Variants in NPHP4 observed in about 807,000 individuals in gnomAD.
NPHP4 encodes the protein nephrocystin 4.
Under a neutral mutation model 155.8 loss-of-function variants are expected in NPHP4, and 151 were observed. The observed-to-expected ratio is 0.97, with a 90% CI of 0.85 to 1.11. NPHP4 has a LOEUF of 1.11. Ranked by LOEUF, NPHP4 falls within the 50% of genes least tolerant of loss-of-function variation. The probability of loss-of-function intolerance (pLI) is 0.00; values close to 1 mark genes in which losing one functional copy is unlikely to be tolerated. For missense variants in NPHP4, 1,956 were observed against 1,925.7 expected (o/e 1.02, Z -0.29); for synonymous variants, 845 against 816.8 (o/e 1.03, Z -0.59).
At position 5,905,425 on chromosome 1, in the gene NPHP4, C is replaced by T. The variant is rs780231735; in HGVS notation, c.1822G>A (p.Glu608Lys). The change falls in exon 15 of 30, where the codon GAG (glutamate) becomes AAG (lysine). Residue 608 changes from glutamate to lysine, a missense_variant. Physicochemically the swap from Glu to Lys is moderately conservative, Grantham distance 56. Transcript: ENST00000378156. The surrounding 1 kb of genome is among the most constrained non-coding windows in gnomAD (Gnocchi z 4.0). ...MVLLQSSGFP[E>K]ILDANKQPAE... ...GGCTGTTTATTGGCATCCAGAATCT[C>T]GGGAAAGCCGGAGGACTGCAGGAGC... is the stretch of plus-strand genomic sequence containing the variant. 57 of 1,612,204 alleles carry T rather than the reference C, an allele frequency of 3.5e-5. No homozygotes were observed. The highest frequency in any genetic ancestry group is 1.6e-4 in the Middle Eastern group (1 of 6,080).
rs70977991 is a variant in NPHP4 at position 5,914,286 on chromosome 1, A to AAAAAAAAAAAAAG, written c.1442-5074_1442-5073insCTTTTTTTTTTTT. Among the ~76,000 whole-genome samples the AAAAAAAAAAAAAG allele has an allele frequency of 7.9e-4, 110 of 139,892 alleles. 8 individuals carry two copies. Among genetic ancestry groups the AAAAAAAAAAAAAG allele is most frequent in the African/African-American group, 3.1e-3 (104 of 33,918 alleles). 91.8% of individuals were successfully genotyped at this position (139,892 alleles called of 152,430 possible). A position where few individuals can be genotyped will look rare whatever the true frequency, so the allele number is the denominator to read the frequency against. ...AAAAAAAAAAAAAAAAAAAAAAAAA[A>AAAAAAAAAAAAAG]GGCCTGGTGTGGTGGCATGCACCTG... On this transcript the variant is annotated intron_variant, in intron 11 of 29. Transcript: ENST00000378156.
At chr1:5,873,745 G>A (rs1287932469) in intron 22 of NPHP4, 3 of 285,356 alleles carry the variant, frequency 1.1e-5, no homozygotes, top group Admixed American at 5.3e-5. Flanking sequence ...CCGGCCTCAC[G>A]CACCCGGGCA....
At chr1:5,921,124 C>T (rs1040946892) in intron 11 of NPHP4, among the ~76,000 whole-genome samples, 1 of 152,228 alleles carries the variant, frequency 6.6e-6, no homozygotes, top group African/African-American at 2.4e-5. Context: ...TACTTAAATG[C>T]TACCACATTG....
At chr1:5,989,493 T>C (rs1043234573) in intron 1 of NPHP4, among the ~76,000 whole-genome samples, 1 of 152,220 alleles carries the variant, frequency 6.6e-6, no homozygotes, top group African/African-American at 2.4e-5. Context: ...TTGTGTTGAA[T>C]TGCTCGCTGG....
intron 2 of NPHP4, among the ~76,000 whole-genome samples, chr1:5,979,483 C>T (rs1654293724): frequency 1.3e-5 from 2 of 152,154 alleles, no homozygotes; most frequent in Admixed American, 1.3e-4. Flanking sequence ...AGAGAGCACA[C>T]GTGCTCCAGG....
Position 5,910,356 on chromosome 1 carries a change from T to C in NPHP4, c.1442-1143A>G, listed in dbSNP as rs1645118196. On this transcript the variant is annotated intron_variant, in intron 11 of 29. Coordinates refer to ENST00000378156, the MANE Select transcript of NPHP4 (RefSeq NM_015102.5). This position sits in a 1 kb window ranked among gnomAD's most constrained non-coding sequence, Gnocchi z 5.4. ...CAGACACTACCACTCCCCATCGGAC[T>C]TCCAGGATAACCCAGACCTCCGGAG... 6.6e-6 allele frequency among the ~76,000 whole-genome samples: 1 copy of C among 152,118 alleles called. No homozygotes were observed. The highest frequency in any genetic ancestry group is 2.1e-4 in the South Asian group (1 of 4,822).
Position 5,961,940 on chromosome 1 carries a change from T to G in NPHP4, c.527A>C (p.His176Pro), listed in dbSNP as rs765166774. ...LLQDPAEQNR[H>P]MTLIENCSLQ... ...GCTGCAGTTCTCAATGAGGGTCATG[T>G]GTCTGTTTTCTGGTGAAGAAAACAC... Residue 176 changes from histidine to proline, a missense_variant, in exon 6 of 30, where the codon CAC (histidine) becomes CCC (proline). Coordinates refer to ENST00000378156, the MANE Select transcript of NPHP4 (RefSeq NM_015102.5). 1.9e-6 allele frequency: 3 copies of G among 1,597,838 alleles called. No individual in the cohort carries two copies. Among genetic ancestry groups the G allele is most frequent in the Non-Finnish European group, 1.7e-6 (2 of 1,166,286 alleles).
At chr1:5,976,063 G>A (rs1386296952) in intron 3 of NPHP4, among the ~76,000 whole-genome samples, 1 of 152,198 alleles carries the variant, frequency 6.6e-6, no homozygotes, top group African/African-American at 2.4e-5. Context: ...TGGTTTCAGA[G>A]CATACTCCAT....
At chr1:5,980,851 A>G (rs890723739) in intron 2 of NPHP4, among the ~76,000 whole-genome samples, 4 of 152,062 alleles carry the variant, frequency 2.6e-5, no homozygotes, top group African/African-American at 9.7e-5. Flanking sequence ...ATCACCACGC[A>G]CCGGGGCCTG....
chr1:5,869,386 T>C (rs1641766783), intron 23 of NPHP4, among the ~76,000 whole-genome samples: 1 of 151,918 alleles, frequency 6.6e-6, no homozygotes, highest in Non-Finnish European at 1.5e-5. Context: ...ATGCACACAC[T>C]TCACACCTGC....
intron 16 of NPHP4, among the ~76,000 whole-genome samples, chr1:5,901,390 G>A (rs1324557317): frequency 6.6e-6 from 1 of 152,236 alleles, no homozygotes; most frequent in African/African-American, 2.4e-5. Flanking sequence ...GCTGCTGAAG[G>A]AAGCCCAGAC....
intron 27 of NPHP4, 94 bp from the exon 28 acceptor site, chr1:5,864,611 C>G: frequency 8.0e-7 from 1 of 1,250,768 alleles, no homozygotes; most frequent in Non-Finnish European, 1.1e-6. Context: ...GCCAGGGGAG[C>G]CCAAGGTCAT....
At position 5,964,941 on chromosome 1, in the gene NPHP4, A is replaced by ATATTTTTT; in HGVS notation, c.517+2357_517+2358insAAAAAATA. ...ATTATATATATATATATATATATAT[A>ATATTTTTT]TTTTTTTTTTTTGAGGCAGGGTCTC... On this transcript the variant is annotated intron_variant, in intron 5 of 29. Coordinates refer to ENST00000378156, the MANE Select transcript of NPHP4 (RefSeq NM_015102.5). Among the ~76,000 whole-genome samples the ATATTTTTT allele has an allele frequency of 7.4e-3, 441 of 59,362 alleles. 31 individuals are homozygous for ATATTTTTT. The highest frequency in any genetic ancestry group is 0.035 in the African/African-American group (412 of 11,738). The allele number at this position is 59,362 out of a possible 152,430, so 38.9% of individuals were successfully genotyped here.
chr1:5,957,801 A>G (rs1004288862), intron 6 of NPHP4, among the ~76,000 whole-genome samples: 5 of 152,242 alleles, frequency 3.3e-5, no homozygotes, highest in Non-Finnish European at 5.9e-5. Context: ...TGAAAACTAC[A>G]TTTAGGAATG....
chr1:5,979,331 T>TGGGGC (rs1000110178), intron 2 of NPHP4, among the ~76,000 whole-genome samples: 5 of 119,458 alleles, frequency 4.2e-5, no homozygotes, highest in Admixed American at 8.7e-5. Flanking sequence ...GAGAGGTGGG[T>TGGGGC]GGGGCGGGGC....
chr1:5,947,259 A>G (rs1647154026), intron 8 of NPHP4, 29 bp from the exon 9 acceptor site: 1 of 1,609,908 alleles, frequency 6.2e-7, no homozygotes, highest in South Asian at 1.1e-5. Flanking sequence ...CCAGGGACAC[A>G]TTAGAGCTCG....
chr1:5,986,125 C>G lies in NPHP4; in HGVS notation c.135+30G>C, dbSNP rs539116772. 4.3e-6 allele frequency: 7 copies of G among 1,612,634 alleles called. No individual in the cohort carries two copies. In the African/African-American group the frequency reaches 9.3e-5, roughly 21 times the overall value. ...GCCTCATGTCAGCTAAGAGCAATAACACGCATTTGCTAACAGCACATTTTG... is the reference window on the plus strand; with the variant it reads ...GCCTCATGTCAGCTAAGAGCAATAAGACGCATTTGCTAACAGCACATTTTG... On this transcript the variant is annotated intron_variant, in intron 2 of 29. Transcript: ENST00000378156.
intron 12 of NPHP4, among the ~76,000 whole-genome samples, chr1:5,907,887 G>A (rs1277659903): frequency 2.0e-5 from 3 of 152,248 alleles, no homozygotes; most frequent in African/African-American, 7.2e-5. Flanking sequence ...CACACGGTGA[G>A]CCTTCTATAA....
chr1:5,864,179 G>A (rs577882054), intron 28 of NPHP4, 146 bp from the exon 29 acceptor site: 32 of 1,149,824 alleles, frequency 2.8e-5, no homozygotes, highest in African/African-American at 1.1e-4. Context: ...GCTTCCATCC[G>A]GGAGAGACAC....
Sources: gnomAD v4.1 joint callset for allele counts (sites outside exome capture counted in the v4.1 genomes callset) on GRCh38, gnomAD v4.1.1 for gene constraint, Gnocchi (gnomAD v3.1) non-coding constraint, MANE v1.5 for transcripts, NCBI Gene and HGNC (gene_info 2026-07-23, HGNC 2026-07-21) for gene names.